RORA: variants seen among roughly 807,000 people sequenced by gnomAD.
RORA encodes RAR related orphan receptor A.
In RORA, 7 loss-of-function variants were observed where a neutral mutation model predicts 69.5. That is an observed-to-expected ratio of 0.10 (90% CI 0.06 to 0.19). The LOEUF is 0.19. Ranked by LOEUF, RORA falls within the 10% of genes least tolerant of loss-of-function variation. The probability of loss-of-function intolerance (pLI) is 1.00; values close to 1 mark genes in which losing one functional copy is unlikely to be tolerated. For missense variants in RORA, 457 were observed against 663.0 expected (o/e 0.69, Z 3.41); for synonymous variants, 261 against 240.8 (o/e 1.08, Z -0.78).
intron 2 of RORA, among the ~76,000 whole-genome samples, chr15:60,638,983 G>A (rs1158293871): frequency 1.3e-5 from 2 of 152,198 alleles, no homozygotes. Flanking sequence ...ACGGGGATGA[G>A]GGTCAGAGTC....
rs192168106 is a variant in RORA, at chr15:60,917,929, C to T, written c.167-239243G>A. Among the ~76,000 whole-genome samples, 1,514 of 152,340 alleles carry T rather than the reference C, an allele frequency of 9.9e-3. 23 individuals carry two copies. Among genetic ancestry groups the T allele is most frequent in the Admixed American group, 0.043 (660 of 15,306 alleles). ...GTGCTTCACACCCAACTGAATCAGA[C>T]GCAGCCCTCTGAGCACAAAAGTGGG... On this transcript the variant is annotated intron_variant, in intron 1 of 10. Coordinates refer to ENST00000335670, the MANE Select transcript of RORA (RefSeq NM_134261.3).
intron 2 of RORA, among the ~76,000 whole-genome samples, chr15:60,644,553 A>T (rs1179244472): frequency 6.6e-6 from 1 of 152,258 alleles, no homozygotes; most frequent in Admixed American, 6.5e-5. Context: ...CAAAGTATTA[A>T]CGTGTAAACA....
intron 2 of RORA, among the ~76,000 whole-genome samples, chr15:60,583,940 T>A (rs1419819207): frequency 1.3e-5 from 2 of 152,206 alleles, no homozygotes; most frequent in Non-Finnish European, 2.9e-5. Context: ...CAAAAGAAGA[T>A]TCCTTGGCCT....
chr15:60,806,858 G>A (rs543686155), intron 1 of RORA, among the ~76,000 whole-genome samples: 1 of 152,242 alleles, frequency 6.6e-6, no homozygotes, highest in East Asian at 1.9e-4. Flanking sequence ...AATTGGGCCA[G>A]TTTTCTTTGT....
At chr15:60,559,137 A>C (rs1163019645) in intron 2 of RORA, among the ~76,000 whole-genome samples, 1 of 152,100 alleles carries the variant, frequency 6.6e-6, no homozygotes, top group African/African-American at 2.4e-5. Context: ...CGAAATAAAG[A>C]GTATTTTACT....
Position 60,739,350 on chromosome 15 carries a change from A to T in RORA, c.167-60664T>A, listed in dbSNP as rs569222118. 7.9e-5 allele frequency among the ~76,000 whole-genome samples: 12 copies of T among 152,240 alleles called. No individual in the cohort carries two copies. The East Asian group carries it at 2.3e-3, about 29-fold the overall frequency. ...CACTTTGGGAGGCCCAGGTGGGTGG[A>T]TCACTTGAACTCAGGCTTGAGACCA... On this transcript the variant is annotated intron_variant, in intron 1 of 10. Transcript: ENST00000335670.
At chr15:60,663,512 A>G (rs1189282767) in intron 2 of RORA, among the ~76,000 whole-genome samples, 4 of 152,150 alleles carry the variant, frequency 2.6e-5, no homozygotes, top group Non-Finnish European at 5.9e-5. Flanking sequence ...CTGGAGTGCA[A>G]TGACGCGATG....
intron 1 of RORA, among the ~76,000 whole-genome samples, chr15:61,219,270 C>T (rs1345456795): frequency 6.6e-6 from 1 of 152,188 alleles, no homozygotes; most frequent in Admixed American, 6.5e-5. Flanking sequence ...GATCAACTTG[C>T]ACACATCTTA....
At chr15:60,754,243 C>T (rs2071765763) in intron 1 of RORA, among the ~76,000 whole-genome samples, 1 of 152,186 alleles carries the variant, frequency 6.6e-6, no homozygotes, top group Non-Finnish European at 1.5e-5. Context: ...GAACGTGTCA[C>T]ATTTTCCCAT....
At chr15:61,169,971 A>C (rs1163643165) in intron 1 of RORA, among the ~76,000 whole-genome samples, 2 of 152,124 alleles carry the variant, frequency 1.3e-5, no homozygotes, top group African/African-American at 4.8e-5. Flanking sequence ...TCCCAGAGGC[A>C]CCGTGTCCAT....
intron 1 of RORA, among the ~76,000 whole-genome samples, chr15:60,756,621 A>T (rs367741202): frequency 2.6e-5 from 4 of 152,202 alleles, no homozygotes; most frequent in African/African-American, 9.6e-5. Flanking sequence ...TTTTGTATAG[A>T]TGTGTTTACT....
intron 1 of RORA, among the ~76,000 whole-genome samples, chr15:60,773,293 A>G (rs2140883281): frequency 6.6e-6 from 1 of 152,300 alleles, no homozygotes; most frequent in African/African-American, 2.4e-5. Context: ...TTTATCATTC[A>G]TAGTGATTTA....
intron 1 of RORA, among the ~76,000 whole-genome samples, chr15:61,034,745 G>A (rs1168801292): frequency 6.7e-6 from 1 of 149,220 alleles, no homozygotes; most frequent in Non-Finnish European, 1.5e-5. Flanking sequence ...TTTAATAGTG[G>A]GGGCTGGGAA....
At chr15:61,218,671 A>AACACACACACAC (rs1289661510) in intron 1 of RORA, among the ~76,000 whole-genome samples, 1 of 35,180 alleles carries the variant, frequency 2.8e-5, no homozygotes, top group African/African-American at 8.7e-5. Context: ...TTACTAATAT[A>AACACACACACAC]ACTCACACAC....
chr15:60,670,061 A>G (rs1293392587), intron 2 of RORA, among the ~76,000 whole-genome samples: 4 of 152,138 alleles, frequency 2.6e-5, no homozygotes, highest in Non-Finnish European at 5.9e-5. Flanking sequence ...TCTGTTCCTC[A>G]GACCCCGATA....
intron 1 of RORA, among the ~76,000 whole-genome samples, chr15:61,047,514 T>C (rs1201916826): frequency 6.6e-6 from 1 of 152,232 alleles, no homozygotes. Flanking sequence ...CTCTACCTTC[T>C]TAAAAGGGCA....
intron 2 of RORA, among the ~76,000 whole-genome samples, chr15:60,645,675 C>G (rs546395365): frequency 1.3e-5 from 2 of 152,182 alleles, no homozygotes; most frequent in South Asian, 4.1e-4. Flanking sequence ...TTATAGGCAT[C>G]AGCCAAGGTG....
At chr15:60,800,813 G>A (rs2072569157) in intron 1 of RORA, among the ~76,000 whole-genome samples, 1 of 152,130 alleles carries the variant, frequency 6.6e-6, no homozygotes, top group Admixed American at 6.5e-5. Flanking sequence ...TCAGCATGCA[G>A]GTCTTTCCCC....
At chr15:60,568,846 C>T (rs530144848) in intron 2 of RORA, among the ~76,000 whole-genome samples, 6 of 150,952 alleles carry the variant, frequency 4.0e-5, no homozygotes, top group East Asian at 1.9e-4. Flanking sequence ...TTTGCAAGGA[C>T]GGAACAGGGA....
Sources: allele counts gnomAD v4.1 joint callset (sites outside exome capture counted in the v4.1 genomes callset), GRCh38; gene constraint gnomAD v4.1.1; transcripts MANE v1.5; gene names NCBI Gene and HGNC (gene_info 2026-07-23, HGNC 2026-07-21).